The following GLIPR1L1 variants were observed in gnomAD, a reference collection of about 807,000 sequenced individuals.
GLIPR1L1 encodes GLIPR1-like protein 1.
In GLIPR1L1, 26 loss-of-function variants were observed where a neutral mutation model predicts 29.9. That is an observed-to-expected ratio of 0.87 (90% CI 0.64 to 1.21). GLIPR1L1 has a LOEUF of 1.21. GLIPR1L1 is among the 50% of genes most tolerant of loss of function. GLIPR1L1 has a pLI of 0.00. For missense variants in GLIPR1L1, 305 were observed against 290.3 expected (o/e 1.05, Z -0.37); for synonymous variants, 77 against 97.5 (o/e 0.79, Z 1.24).
Position 75,334,746 on chromosome 12 carries a change from A to C in GLIPR1L1, c.18A>C (p.Lys6Asn). The change falls in exon 1 of 6, where the codon AAA becomes AAC. Residue 6 changes from lysine to asparagine, a missense_variant. By Grantham distance (94) the Lys-to-Asn change is moderately conservative (BLOSUM62 0). Coordinates refer to ENST00000378695, the MANE Select transcript of GLIPR1L1 (RefSeq NM_001304964.2). The part of the protein sequence containing the change: MALKN[K>N]FSCLWILGLC... ...ATCCTTCCATGGCTCTGAAGAATAA[A>C]TTCAGTTGTTTATGGATCTTGGGTC... 2 of 1,613,968 alleles carry C rather than the reference A, an allele frequency of 1.2e-6. No homozygotes were observed. Among genetic ancestry groups the C allele is most frequent in the Non-Finnish European group, 1.7e-6 (2 of 1,179,910 alleles).
rs753317971 is a variant in GLIPR1L1 at position 75,334,721 on chromosome 12, A to G, written c.-8A>G. On this transcript the variant is annotated 5_prime_UTR_variant, in exon 1 of 6. Coordinates refer to ENST00000378695, the MANE Select transcript of GLIPR1L1 (RefSeq NM_001304964.2). ...TCAGGGCATCCTCCGCATCCTCCAC[A>G]TCCTTCCATGGCTCTGAAGAATAAA... 6.2e-7 allele frequency: 1 copy of G among 1,611,526 alleles called. No individual in the cohort carries two copies. Among genetic ancestry groups the G allele is most frequent in the South Asian group, 1.1e-5 (1 of 90,716 alleles).
chr12:75,348,188 G>A (rs1175128303), intron 3 of GLIPR1L1, among the ~76,000 whole-genome samples: 2 of 152,104 alleles, frequency 1.3e-5, no homozygotes, highest in East Asian at 1.9e-4. Flanking sequence ...AGCTTAAAGG[G>A]AAACTCCAAA....
chr12:75,362,640 TTA>T (rs1295907952), intron 3 of GLIPR1L1, among the ~76,000 whole-genome samples: 5 of 152,178 alleles, frequency 3.3e-5, no homozygotes, highest in Admixed American at 6.6e-5. Flanking sequence ...TTTGAAAAAT[TTA>T]TGACTTATAC....
At chr12:75,341,359 C>A (rs1448893452) in intron 1 of GLIPR1L1, among the ~76,000 whole-genome samples, 1 of 152,204 alleles carries the variant, frequency 6.6e-6, no homozygotes, top group Non-Finnish European at 1.5e-5. Flanking sequence ...ATCCCCATGG[C>A]TCTCAAAGGC....
In GLIPR1L1 at chr12:75,369,489, T is replaced by C. The variant is rs554135989; in HGVS notation, c.611-471T>C. ...TTTTTTTAAGTAGATTATTTCCTAA[T>C]GAAGTGCTGGATGCTATTAGAATGG... On this transcript the variant is annotated intron_variant, in intron 4 of 5. Coordinates refer to ENST00000378695, the MANE Select transcript of GLIPR1L1 (RefSeq NM_001304964.2). The C allele has an allele frequency of 8.7e-5, 84 of 970,592 alleles. No homozygotes were observed. In the African/African-American group the frequency reaches 1.4e-3, roughly 17 times the overall value. 60.1% of individuals were successfully genotyped at this position (970,592 alleles called of 1,614,324 possible).
chr12:75,345,091 T>C (rs1392823572), intron 2 of GLIPR1L1, among the ~76,000 whole-genome samples: 1 of 152,106 alleles, frequency 6.6e-6, no homozygotes, highest in Non-Finnish European at 1.5e-5. Context: ...TCCTAGTGTG[T>C]CACTGTACAA....
At chr12:75,352,798 T>C (rs1310380410) in intron 3 of GLIPR1L1, among the ~76,000 whole-genome samples, 1 of 152,074 alleles carries the variant, frequency 6.6e-6, no homozygotes, top group Admixed American at 6.5e-5. Flanking sequence ...CATAACAGTC[T>C]CTCAGAACAA....
intron 1 of GLIPR1L1, 87 bp from the exon 2 acceptor site, chr12:75,343,606 A>C (rs1193892502): frequency 9.9e-7 from 1 of 1,011,356 alleles, no homozygotes; most frequent in African/African-American, 1.6e-5. Context: ...TAATAAATTT[A>C]AGCAAAACTT....
chr12:75,366,762 C>A (rs973759775), intron 4 of GLIPR1L1: 1 of 639,958 alleles, frequency 1.6e-6, no homozygotes, highest in Admixed American at 2.4e-5. Flanking sequence ...GTCATTTCCA[C>A]GCTCTTATGT....
chr12:75,366,758 T>C, intron 4 of GLIPR1L1: 1 of 638,344 alleles, frequency 1.6e-6, no homozygotes, highest in Non-Finnish European at 2.8e-6. Flanking sequence ...ATGAGTCATT[T>C]CCACGCTCTT....
chr12:75,347,818 G>A, intron 3 of GLIPR1L1, 96 bp downstream of exon 3: 1 of 599,112 alleles, frequency 1.7e-6, no homozygotes, highest in Non-Finnish European at 2.9e-6. Flanking sequence ...GTGTATTTTT[G>A]ATAAGTAATG....
intron 2 of GLIPR1L1, among the ~76,000 whole-genome samples, chr12:75,344,700 G>A (rs1173056650): frequency 6.6e-6 from 1 of 152,000 alleles, no homozygotes; most frequent in African/African-American, 2.4e-5. Flanking sequence ...TGTACATTTT[G>A]CCTTGTTGAG....
intron 1 of GLIPR1L1, among the ~76,000 whole-genome samples, chr12:75,341,036 A>G (rs986831709): frequency 6.6e-6 from 1 of 152,148 alleles, no homozygotes; most frequent in African/African-American, 2.4e-5. Context: ...CTTACAAAAA[A>G]AAAAAGAACA....
At chr12:75,349,642 GACT>G (rs2042674826) in intron 3 of GLIPR1L1, among the ~76,000 whole-genome samples, 1 of 152,012 alleles carries the variant, frequency 6.6e-6, no homozygotes, top group South Asian at 2.1e-4. Flanking sequence ...AAAAACAGAG[GACT>G]ACAATGTCTG....
At chr12:75,365,011 T>A (rs2043871545) in intron 4 of GLIPR1L1, 1 of 152,276 alleles carries the variant, frequency 6.6e-6, no homozygotes, top group Admixed American at 6.5e-5. Flanking sequence ...ACCAGCTGTT[T>A]AGGCATCTGT....
chr12:75,353,064 C>A (rs977235809), intron 3 of GLIPR1L1, among the ~76,000 whole-genome samples: 4 of 152,028 alleles, frequency 2.6e-5, no homozygotes, highest in South Asian at 4.1e-4. Context: ...AAATTGACAT[C>A]CTAACATCAT....
In GLIPR1L1 at chr12:75,370,274, T is replaced by C. The variant is rs376505592; in HGVS notation, c.*98T>C. On this transcript the variant is annotated 3_prime_UTR_variant, in exon 6 of 6. Coordinates refer to ENST00000378695, the MANE Select transcript of GLIPR1L1 (RefSeq NM_001304964.2). Reference sequence around the variant, plus strand: ...ATCACTTTGCTTCTTTACTGAATCTTCTACACTCTTGCCTGATACCTAAAT... The same window carrying C: ...ATCACTTTGCTTCTTTACTGAATCTCCTACACTCTTGCCTGATACCTAAAT... 3 of 667,666 alleles carry C rather than the reference T, an allele frequency of 4.5e-6. No homozygotes were observed. Among genetic ancestry groups the C allele is most frequent in the Non-Finnish European group, 5.2e-6 (2 of 381,082 alleles). 41.4% of individuals were successfully genotyped at this position (667,666 alleles called of 1,614,324 possible). A position where few individuals can be genotyped will look rare whatever the true frequency, so the allele number is the denominator to read the frequency against.
chr12:75,343,659 G>A, intron 1 of GLIPR1L1, 34 bp from the exon 2 acceptor site: 1 of 1,500,768 alleles, frequency 6.7e-7, no homozygotes, highest in Non-Finnish European at 9.1e-7. Flanking sequence ...AAATACTTAT[G>A]CACAATTCAA....
intron 3 of GLIPR1L1, among the ~76,000 whole-genome samples, chr12:75,351,062 C>T (rs2042776250): frequency 6.6e-6 from 1 of 152,170 alleles, no homozygotes; most frequent in Admixed American, 6.5e-5. Context: ...TCACAAGTAT[C>T]AATATCCAAA....
Sources: gnomAD v4.1 joint callset for allele counts (sites outside exome capture counted in the v4.1 genomes callset) on GRCh38, gnomAD v4.1.1 for gene constraint, MANE v1.5 for transcripts, NCBI Gene and HGNC (gene_info 2026-07-23, HGNC 2026-07-21) for gene names.